Variants in SLIT2 observed in about 807,000 individuals in gnomAD.
SLIT2 encodes the protein slit guidance ligand 2, also known as slit homolog 2 protein.
In SLIT2, 41 loss-of-function variants were observed where a neutral mutation model predicts 185.7. The observed-to-expected ratio is 0.22, with a 90% CI of 0.17 to 0.29. The LOEUF (loss-of-function observed/expected upper bound fraction) is 0.29. Among genes scored for constraint, SLIT2 ranks in the 10% least tolerant of loss-of-function variants. The pLI, the probability that SLIT2 is intolerant of heterozygous loss-of-function variation, is 1.00. For missense variants in SLIT2, 1,571 were observed against 1,909.0 expected (o/e 0.82, Z 3.30); for synonymous variants, 693 against 680.2 (o/e 1.02, Z -0.29).
At chr4:20,359,080 G>T (rs1285540797) in intron 4 of SLIT2, among the ~76,000 whole-genome samples, 3 of 152,070 alleles carry the variant, frequency 2.0e-5, no homozygotes, top group African/African-American at 7.2e-5. Flanking sequence ...AGTTAAAATA[G>T]GTTCTCTGCC....
At chr4:20,261,356 A>G (rs1323148462) in intron 3 of SLIT2, among the ~76,000 whole-genome samples, 2 of 151,914 alleles carry the variant, frequency 1.3e-5, no homozygotes, top group Admixed American at 1.3e-4. Context: ...TATTTCTTTT[A>G]TATACCTCAA....
intron 4 of SLIT2, among the ~76,000 whole-genome samples, chr4:20,389,165 G>C (rs1170463249): frequency 1.3e-5 from 2 of 150,984 alleles, no homozygotes; most frequent in Non-Finnish European, 2.9e-5. Flanking sequence ...ATTTCTTTCA[G>C]TTTATAACTG....
chr4:20,306,205 G>A (rs1186182158), intron 4 of SLIT2, among the ~76,000 whole-genome samples: 3 of 152,082 alleles, frequency 2.0e-5, no homozygotes, highest in Non-Finnish European at 4.4e-5. Flanking sequence ...AACACGGGGA[G>A]AAAGGGGACT....
intron 16 of SLIT2, among the ~76,000 whole-genome samples, chr4:20,531,630 T>C (rs1721820155): frequency 6.6e-6 from 1 of 152,182 alleles, no homozygotes; most frequent in Non-Finnish European, 1.5e-5. Context: ...CTGTAATTTT[T>C]GTTCCAATTG....
In SLIT2 at chr4:20,573,355, G is replaced by C. The variant is rs965904341; in HGVS notation, c.3088+4351G>C. 4.3e-6 allele frequency: 3 copies of C among 694,678 alleles called. No individual in the cohort carries two copies. The African/African-American group carries it at 5.3e-5, about 12-fold the overall frequency. 43.0% of individuals were successfully genotyped at this position (694,678 alleles called of 1,614,324 possible). ...TTCACTGCGGGTACACAGTAAAAAG[G>C]AATGTTGACAAAATATAAAATCTGA... is the stretch of plus-strand genomic sequence containing the variant. On this transcript the variant is annotated intron_variant, in intron 29 of 36. Coordinates refer to ENST00000504154, the MANE Select transcript of SLIT2 (RefSeq NM_004787.4).
At chr4:20,475,257 A>G (rs1481059694) in intron 5 of SLIT2, among the ~76,000 whole-genome samples, 3 of 151,448 alleles carry the variant, frequency 2.0e-5, no homozygotes, top group Non-Finnish European at 4.4e-5. Context: ...CATAGGAAAT[A>G]CCCACTTTAT....
intron 4 of SLIT2, among the ~76,000 whole-genome samples, chr4:20,389,319 C>T (rs1368182684): frequency 1.3e-5 from 2 of 151,908 alleles, no homozygotes; most frequent in African/African-American, 4.8e-5. Context: ...AGGCAAATAA[C>T]ATCTAAATAT....
chr4:20,255,284 C>T (rs1450167736), intron 1 of SLIT2, among the ~76,000 whole-genome samples: 1 of 152,224 alleles, frequency 6.6e-6, no homozygotes, highest in African/African-American at 2.4e-5. Flanking sequence ...TTATCCAACC[C>T]ATTTCTCTCG....
At chr4:20,616,730 A>G (rs1729682600) in intron 34 of SLIT2, 180 bp from the exon 35 acceptor site, 4 of 572,438 alleles carry the variant, frequency 7.0e-6, no homozygotes, top group Non-Finnish European at 9.2e-6. Context: ...ATCTTCCAAT[A>G]CAGAACAAAA....
At chr4:20,454,341 C>A (rs893399056) in intron 4 of SLIT2, among the ~76,000 whole-genome samples, 1 of 152,062 alleles carries the variant, frequency 6.6e-6, no homozygotes, top group Non-Finnish European at 1.5e-5. Context: ...GAAAATAATT[C>A]TTTTCCCTGA....
At chr4:20,584,965 G>A (rs1726926685) in intron 29 of SLIT2, among the ~76,000 whole-genome samples, 1 of 151,974 alleles carries the variant, frequency 6.6e-6, no homozygotes, top group Non-Finnish European at 1.5e-5. Flanking sequence ...TGAGGCAGGA[G>A]AATCACTTGA....
chr4:20,287,672 C>G (rs1715390901), intron 4 of SLIT2, among the ~76,000 whole-genome samples: 1 of 152,152 alleles, frequency 6.6e-6, no homozygotes, highest in Non-Finnish European at 1.5e-5. Context: ...AAGCATCTCT[C>G]CATTGTCTCC....
intron 4 of SLIT2, among the ~76,000 whole-genome samples, chr4:20,278,588 C>T (rs144427876): frequency 1.1e-4 from 17 of 151,892 alleles, no homozygotes; most frequent in African/African-American, 3.6e-4. Context: ...ATCTTCTTTA[C>T]GTAAGGACCA....
In SLIT2 at chr4:20,490,798, T is replaced by C. The variant is rs557929369; in HGVS notation, c.776-963T>C. The C allele has an allele frequency of 7.3e-6, 11 of 1,515,462 alleles. No homozygotes were observed. In the East Asian group the frequency reaches 2.7e-4, roughly 37 times the overall value. 93.9% of individuals were successfully genotyped at this position (1,515,462 alleles called of 1,614,324 possible). ...TCTCTTCACTTTTTCCTTTCTGTTT[T>C]CTAGATGAGGAAGAAGGCAAGTTCA... On this transcript the variant is annotated intron_variant, in intron 8 of 36. Coordinates refer to ENST00000504154, the MANE Select transcript of SLIT2 (RefSeq NM_004787.4).
chr4:20,346,949 G>A (rs1247594154), intron 4 of SLIT2, among the ~76,000 whole-genome samples: 2 of 152,140 alleles, frequency 1.3e-5, no homozygotes, highest in Non-Finnish European at 2.9e-5. Context: ...ATTGAGGATG[G>A]GTCTGTCTCT....
chr4:20,399,123 T>C (rs924011718), intron 4 of SLIT2, among the ~76,000 whole-genome samples: 13 of 151,610 alleles, frequency 8.6e-5, no homozygotes, highest in African/African-American at 2.7e-4. Flanking sequence ...ATATTAAATA[T>C]GGTAAAAAAA....
intron 4 of SLIT2, among the ~76,000 whole-genome samples, chr4:20,419,981 C>A (rs1381967030): frequency 6.6e-6 from 1 of 152,068 alleles, no homozygotes; most frequent in East Asian, 1.9e-4. Context: ...CATGCAGGTT[C>A]TGTGCAGCTG....
At chr4:20,433,569 C>G (rs570611770) in intron 4 of SLIT2, among the ~76,000 whole-genome samples, 4 of 152,206 alleles carry the variant, frequency 2.6e-5, no homozygotes, top group African/African-American at 9.6e-5. Flanking sequence ...ATATACGAAG[C>G]TATTTTTTGC....
At chr4:20,514,365 G>GC (rs377076941) in intron 11 of SLIT2, among the ~76,000 whole-genome samples, 137 of 152,238 alleles carry the variant, frequency 9.0e-4, no homozygotes, top group African/African-American at 3.1e-3. Flanking sequence ...TTTCAGCCAG[G>GC]CGTGGTGGCT....
Sources: allele counts gnomAD v4.1 joint callset (sites outside exome capture counted in the v4.1 genomes callset), GRCh38; gene constraint gnomAD v4.1.1; transcripts MANE v1.5; gene names NCBI Gene and HGNC (gene_info 2026-07-23, HGNC 2026-07-21).